The following CAMSAP2 variants were observed in gnomAD, a reference collection of about 807,000 sequenced individuals.
CAMSAP2 encodes calmodulin-regulated spectrin-associated protein 2.
In CAMSAP2, 26 loss-of-function variants were observed where a neutral mutation model predicts 146.1. The ratio of observed to expected loss-of-function variants is 0.18; its 90% CI spans 0.13 to 0.25. The LOEUF (loss-of-function observed/expected upper bound fraction) is 0.25, where lower values mean the gene tolerates loss of function less well. Among genes scored for constraint, CAMSAP2 ranks in the 10% least tolerant of loss-of-function variants. CAMSAP2 has a pLI of 1.00. For missense variants in CAMSAP2, 1,381 were observed against 1,759.3 expected (o/e 0.78, Z 3.85); for synonymous variants, 499 against 596.6 (o/e 0.84, Z 2.38).
intron 2 of CAMSAP2, among the ~76,000 whole-genome samples, chr1:200,782,231 C>T (rs1281077127): frequency 6.6e-6 from 1 of 152,126 alleles, no homozygotes; most frequent in Non-Finnish European, 1.5e-5. Flanking sequence ...TATTATCCCA[C>T]ATTTAACAGA....
chr1:200,746,853 C>G (rs539877211), intron 1 of CAMSAP2, among the ~76,000 whole-genome samples: 139 of 152,086 alleles, frequency 9.1e-4, no homozygotes, highest in Non-Finnish European at 9.7e-4. Flanking sequence ...CTCCCGACCT[C>G]GTGATCTGCC....
chr1:200,829,994 T>C (rs1338267822), intron 4 of CAMSAP2, among the ~76,000 whole-genome samples: 1 of 151,984 alleles, frequency 6.6e-6, no homozygotes, highest in African/African-American at 2.4e-5. Context: ...AAAATAAATA[T>C]ACCATAATGT....
At chr1:200,761,995 A>T (rs1480572806) in intron 2 of CAMSAP2, among the ~76,000 whole-genome samples, 1 of 152,356 alleles carries the variant, frequency 6.6e-6, no homozygotes, top group African/African-American at 2.4e-5. Flanking sequence ...CAAAATGTGG[A>T]CATCATCAAG....
At chr1:200,817,279 T>A in intron 4 of CAMSAP2, among the ~76,000 whole-genome samples, 1 of 137,120 alleles carries the variant, frequency 7.3e-6, no homozygotes. Flanking sequence ...CATATATATA[T>A]ATTTTCCCAG....
At position 200,832,638 on chromosome 1, in the gene CAMSAP2, A is replaced by G; in HGVS notation, c.788-68A>G. The G allele has an allele frequency of 1.5e-6, 2 of 1,300,640 alleles. No homozygotes were observed. The highest frequency in any genetic ancestry group is 2.1e-6 in the Non-Finnish European group (2 of 949,566). 80.6% of individuals were successfully genotyped at this position (1,300,640 alleles called of 1,614,324 possible). A position where few individuals can be genotyped will look rare whatever the true frequency, so the allele number is the denominator to read the frequency against. On this transcript the variant is annotated intron_variant, in intron 5 of 16. Transcript: ENST00000358823. The surrounding 1 kb of genome is among the most constrained non-coding windows in gnomAD (Gnocchi z 4.2). ...GAATTGTGTATTTGTACTAATTACAAGATGGATATGAAATATTTATTATCA... is the reference window on the plus strand; with the variant it reads ...GAATTGTGTATTTGTACTAATTACAGGATGGATATGAAATATTTATTATCA...
Position 200,853,459 on chromosome 1 carries a change from A to G in CAMSAP2, c.3787A>G (p.Ile1263Val), listed in dbSNP as rs1202484628. Residue 1263 changes from isoleucine to valine, a missense_variant, in exon 13 of 17, where the codon ATT becomes GTT. Around this residue, in one of 4 missense-constraint regions of CAMSAP2, gnomAD observed 560 missense variants for 715.9 expected, o/e 0.78. Coordinates refer to ENST00000358823, the MANE Select transcript of CAMSAP2 (RefSeq NM_203459.4). This position sits in a 1 kb window ranked among gnomAD's most constrained non-coding sequence, Gnocchi z 5.1. ...QRPKSIHRDH[I>V]ESPKTPIKGP... Reference sequence around the variant, plus strand: ...ACCAAAATCTATTCACAGAGATCATATTGAATCCCCCAAAACACCAATAAA... The same window carrying G: ...ACCAAAATCTATTCACAGAGATCATGTTGAATCCCCCAAAACACCAATAAA... 3.1e-6 allele frequency: 5 copies of G among 1,613,786 alleles called. No individual in the cohort carries two copies. The South Asian group carries it at 3.3e-5, about 11-fold the overall frequency.
chr1:200,750,038 G>A (rs746056931), intron 1 of CAMSAP2, among the ~76,000 whole-genome samples: 37 of 152,184 alleles, frequency 2.4e-4, no homozygotes, highest in Non-Finnish European at 4.7e-4. Context: ...AACCCTTGGG[G>A]ATGGGGTGGT....
At position 200,848,481 on chromosome 1, in the gene CAMSAP2, A is replaced by C; in HGVS notation, c.1712A>C (p.His571Pro). The change falls in exon 11 of 17, where the codon CAT becomes CCT. Residue 571 changes from histidine to proline, a missense_variant. Physicochemically the swap from His to Pro is moderately conservative, Grantham distance 77. Coordinates refer to ENST00000358823, the MANE Select transcript of CAMSAP2 (RefSeq NM_203459.4). ...PDQIANGFFLHSQEMSILNSN... is the reference protein window; with the variant it reads ...PDQIANGFFLPSQEMSILNSN... ...CAAATTGCTAATGGCTTCTTTCTTC[A>C]TAGTCAAGAAATGAGTATCTTAAAT... 1.2e-6 allele frequency: 2 copies of C among 1,613,514 alleles called. No homozygotes were observed. Among genetic ancestry groups the C allele is most frequent in the African/African-American group, 1.3e-5 (1 of 75,006 alleles).
At chr1:200,839,806 T>C (rs1378852959) in intron 6 of CAMSAP2, among the ~76,000 whole-genome samples, 1 of 152,138 alleles carries the variant, frequency 6.6e-6, no homozygotes, top group Non-Finnish European at 1.5e-5. Context: ...AAAGAACTTA[T>C]TCATGTAACC....
At position 200,848,532 on chromosome 1, in the gene CAMSAP2, G is replaced by A. The variant is rs1448610718; in HGVS notation, c.1763G>A (p.Ser588Asn). The change falls in exon 11 of 17, where the codon AGT (serine) becomes AAT (asparagine). Residue 588 changes from serine to asparagine, a missense_variant. Coordinates refer to ENST00000358823, the MANE Select transcript of CAMSAP2 (RefSeq NM_203459.4). ...TCAAATATCAAGTTAAATCAATCTA[G>A]TCCTGATAATGTAACTGATACGAAA... ...LNSNIKLNQS[S>N]PDNVTDTKGA... The A allele has an allele frequency of 1.2e-6, 2 of 1,613,930 alleles. No individual in the cohort carries two copies. Among genetic ancestry groups the A allele is most frequent in the South Asian group, 2.2e-5 (2 of 91,066 alleles).
intron 4 of CAMSAP2, among the ~76,000 whole-genome samples, chr1:200,818,805 A>G (rs184571264): frequency 2.3e-4 from 35 of 152,298 alleles, no homozygotes; most frequent in African/African-American, 7.5e-4. Context: ...TACAAATGAG[A>G]GAGAAAATGA....
intron 4 of CAMSAP2, among the ~76,000 whole-genome samples, chr1:200,829,302 C>G (rs1192443748): frequency 6.6e-6 from 1 of 152,032 alleles, no homozygotes; most frequent in Non-Finnish European, 1.5e-5. Flanking sequence ...GCTTATAATC[C>G]TAGTACTTTG....
In CAMSAP2 at chr1:200,844,857, A is replaced by G; in HGVS notation, c.1097A>G (p.Asp366Gly). 6.3e-7 allele frequency: 1 copy of G among 1,576,892 alleles called. No homozygotes were observed. Among genetic ancestry groups the G allele is most frequent in the Non-Finnish European group, 8.6e-7 (1 of 1,160,102 alleles). The stretch of plus-strand genomic sequence containing the variant: ...AGAAATGTCTTAGATAGTAGTTCTG[A>G]CTTCCCTTCAAGGTAAACTCCACAA... ...AKRNVLDSSS[D>G]FPSSGEGATF... Residue 366 changes from aspartate to glycine, a missense_variant, in exon 8 of 17, where the codon GAC becomes GGC. By Grantham distance (94) the Asp-to-Gly change is moderately conservative. Coordinates refer to ENST00000358823, the MANE Select transcript of CAMSAP2 (RefSeq NM_203459.4).
chr1:200,752,143 G>A (rs763717739), intron 1 of CAMSAP2, among the ~76,000 whole-genome samples: 3 of 151,896 alleles, frequency 2.0e-5, no homozygotes, highest in Admixed American at 6.6e-5. Flanking sequence ...ATGCATGACC[G>A]TTGGGGGAAA....
At chr1:200,747,206 A>G (rs1002395166) in intron 1 of CAMSAP2, among the ~76,000 whole-genome samples, 1 of 152,142 alleles carries the variant, frequency 6.6e-6, no homozygotes, top group Non-Finnish European at 1.5e-5. Flanking sequence ...GCTGACTGCC[A>G]GTCACTTTGA....
At chr1:200,851,719 A>G (rs1189767106) in intron 11 of CAMSAP2, among the ~76,000 whole-genome samples, 2 of 152,156 alleles carry the variant, frequency 1.3e-5, no homozygotes, top group African/African-American at 2.4e-5. Flanking sequence ...CTGAGGTACC[A>G]TATATTTTAA....
At position 200,760,728 on chromosome 1, in the gene CAMSAP2, TA is replaced by T. The variant is rs1175428934; in HGVS notation, c.140-110del. ...CTTTTCAGTTAAAGGGTTATTGCTA[TA>T]TTTTTAGAGGGAATCTTAAATTCTA... On this transcript the variant is annotated intron_variant, in intron 1 of 16. Transcript: ENST00000358823. 2.7e-5 allele frequency: 21 copies of T among 782,600 alleles called. No individual in the cohort carries two copies. In the African/African-American group the frequency reaches 3.7e-4, roughly 14 times the overall value. 48.5% of individuals were successfully genotyped at this position (782,600 alleles called of 1,614,324 possible).
chr1:200,770,861 A>G (rs1665096798), intron 2 of CAMSAP2, among the ~76,000 whole-genome samples: 1 of 152,180 alleles, frequency 6.6e-6, no homozygotes, highest in Admixed American at 6.5e-5. Flanking sequence ...TTTATTTAGT[A>G]GATACTCGGT....
At chr1:200,822,836 T>C (rs115500478) in intron 4 of CAMSAP2, among the ~76,000 whole-genome samples, 1 of 152,202 alleles carries the variant, frequency 6.6e-6, no homozygotes, top group Non-Finnish European at 1.5e-5. Context: ...TAGGACAGCA[T>C]GTGGTTTCAT....
Sources: allele counts gnomAD v4.1 joint callset (sites outside exome capture counted in the v4.1 genomes callset), GRCh38; gene constraint gnomAD v4.1.1; regional missense constraint gnomAD v4.1.1; non-coding constraint Gnocchi (gnomAD v3.1); transcripts MANE v1.5; gene names NCBI Gene and HGNC (gene_info 2026-07-23, HGNC 2026-07-21).